The following AATF variants were observed in gnomAD, a reference collection of about 807,000 sequenced individuals.
AATF encodes the protein protein AATF.
Under a neutral mutation model 63.7 loss-of-function variants are expected in AATF, and 48 were observed. The ratio of observed to expected loss-of-function variants is 0.75; its 90% CI spans 0.60 to 0.96. The LOEUF is 0.96. Ranked by LOEUF, AATF falls within the 40% of genes least tolerant of loss-of-function variation. AATF has a pLI of 0.00. For synonymous variants in AATF, 258 were observed against 247.7 expected (o/e 1.04, Z -0.39); for missense variants, 639 against 685.7 (o/e 0.93, Z 0.76).
Position 37,018,839 on chromosome 17 carries a change from T to C in AATF, c.1399-166T>C, listed in dbSNP as rs555529308. The C allele has an allele frequency of 4.8e-5, 30 of 619,898 alleles. No individual in the cohort carries two copies. The South Asian group carries it at 5.6e-4, about 12-fold the overall frequency. 38.4% of individuals were successfully genotyped at this position (619,898 alleles called of 1,614,324 possible). A position where few individuals can be genotyped will look rare whatever the true frequency, so the allele number is the denominator to read the frequency against. ...CCACCTTTTTAAAGATATATAACTA[T>C]GAAAGCGTTAACGGGAATTCAGTAA... is the stretch of plus-strand genomic sequence containing the variant. On this transcript the variant is annotated intron_variant, in intron 8 of 11. Transcript: ENST00000619387.
chr17:36,953,843 A>G lies in AATF; in HGVS notation c.768A>G (p.Gln256=). Reference sequence around the variant, plus strand: ...TGTTGACCACCAACCAGCTTCCTCAACCAGATGTTTTCCCATTGTTCAAGG... The same window carrying G: ...TGTTGACCACCAACCAGCTTCCTCAGCCAGATGTTTTCCCATTGTTCAAGG... The part of the protein sequence containing the change: ...KALLTTNQLP[Q]PDVFPLFKDK... The change falls in exon 4 of 12, where the codon CAA becomes CAG. Residue 256 remains glutamine (Q), a synonymous_variant. Coordinates refer to ENST00000619387, the MANE Select transcript of AATF (RefSeq NM_012138.4). 1 of 1,614,142 alleles carries G rather than the reference A, an allele frequency of 6.2e-7. No individual in the cohort carries two copies. The highest frequency in any genetic ancestry group is 8.5e-7 in the Non-Finnish European group (1 of 1,180,018).
chr17:37,052,635 C>CT (rs1490736041), intron 11 of AATF: 1 of 152,264 alleles, frequency 6.6e-6, no homozygotes. Context: ...GACGTACGCT[C>CT]TTTCCTAAAG....
intron 4 of AATF, among the ~76,000 whole-genome samples, chr17:36,970,541 CTTTTT>C (rs773737841): frequency 1.7e-4 from 15 of 87,018 alleles, no homozygotes; most frequent in African/African-American, 7.7e-4. Flanking sequence ...TTTCTTTTTT[CTTTTT>C]TTTTTTTTTT....
intron 4 of AATF, among the ~76,000 whole-genome samples, chr17:36,973,361 G>T (rs2071054711): frequency 6.6e-6 from 1 of 152,124 alleles, no homozygotes; most frequent in Non-Finnish European, 1.5e-5. Flanking sequence ...AGAAACTGAG[G>T]TCTGCTGTGC....
chr17:37,043,521 C>T (rs1312675276), intron 11 of AATF, among the ~76,000 whole-genome samples: 1 of 152,166 alleles, frequency 6.6e-6, no homozygotes, highest in East Asian at 1.9e-4. Flanking sequence ...AGTTCACAGA[C>T]ACACTTATTG....
chr17:37,019,185 TAAGC>T, intron 9 of AATF, 113 bp downstream of exon 9: 2 of 837,980 alleles, frequency 2.4e-6, no homozygotes, highest in Non-Finnish European at 3.9e-6. Context: ...TTATTGAAGT[TAAGC>T]AAGTAAGAGC....
intron 4 of AATF, among the ~76,000 whole-genome samples, chr17:36,976,521 G>A (rs548484078): frequency 1.3e-5 from 2 of 152,238 alleles, no homozygotes; most frequent in South Asian, 2.1e-4. Flanking sequence ...TATACATACA[G>A]CTAGTTCTTT....
chr17:36,992,479 A>G lies in AATF; in HGVS notation c.1398+1622A>G, dbSNP rs183188595. On this transcript the variant is annotated intron_variant, in intron 8 of 11. Coordinates refer to ENST00000619387, the MANE Select transcript of AATF (RefSeq NM_012138.4). ...TAATTGTGTGAGATCACGGGAGACAATCAAAAATGTTCCAGTCCTCATTAA... is the reference window on the plus strand; with the variant it reads ...TAATTGTGTGAGATCACGGGAGACAGTCAAAAATGTTCCAGTCCTCATTAA... 2.7e-3 allele frequency among the ~76,000 whole-genome samples: 416 copies of G among 152,322 alleles called. 1 individual carries two copies. Among genetic ancestry groups the G allele is most frequent in the African/African-American group, 9.5e-3 (396 of 41,560 alleles).
At chr17:36,963,970 A>G (rs1351075158) in intron 4 of AATF, among the ~76,000 whole-genome samples, 5 of 152,164 alleles carry the variant, frequency 3.3e-5, no homozygotes, top group Non-Finnish European at 2.9e-5. Flanking sequence ...TGAGCCCAGG[A>G]GTTCAGGACC....
chr17:37,035,540 A>G (rs907728705), intron 11 of AATF, among the ~76,000 whole-genome samples: 4 of 140,410 alleles, frequency 2.8e-5, no homozygotes, highest in Non-Finnish European at 6.4e-5. Flanking sequence ...TGTGTTTCCA[A>G]CTTTTTTTTT....
rs536333282 is a variant in AATF, at chr17:36,985,057, G to A, written c.833-1560G>A. Among the ~76,000 whole-genome samples the A allele has an allele frequency of 1.5e-4, 23 of 151,804 alleles. No individual in the cohort carries two copies. The South Asian group carries it at 2.7e-3, about 18-fold the overall frequency. ...GCTGGGATTACAGGTGCACACCACC[G>A]TGCGCGGCTAATTTTTATACTTTTA... On this transcript the variant is annotated intron_variant, in intron 4 of 11. Transcript: ENST00000619387.
intron 11 of AATF, among the ~76,000 whole-genome samples, chr17:37,037,433 A>G (rs1406371071): frequency 6.6e-6 from 1 of 152,234 alleles, no homozygotes; most frequent in Non-Finnish European, 1.5e-5. Flanking sequence ...TAAGCATATT[A>G]TCACCAGCAA....
chr17:36,992,637 G>A (rs1440795410), intron 8 of AATF, among the ~76,000 whole-genome samples: 5 of 140,358 alleles, frequency 3.6e-5, no homozygotes, highest in Non-Finnish European at 6.1e-5. Flanking sequence ...TTTTTTGCCT[G>A]GAGGTCTGTT....
At chr17:36,951,791 A>G (rs2070857262) in intron 2 of AATF, among the ~76,000 whole-genome samples, 1 of 152,196 alleles carries the variant, frequency 6.6e-6, no homozygotes, top group Non-Finnish European at 1.5e-5. Flanking sequence ...TTTTGTATTT[A>G]TATTTTTGGC....
intron 4 of AATF, among the ~76,000 whole-genome samples, chr17:36,971,403 A>G (rs980675387): frequency 2.0e-5 from 3 of 152,250 alleles, no homozygotes; most frequent in African/African-American, 7.2e-5. Flanking sequence ...AAACACAAAT[A>G]CACACCTGAC....
At chr17:36,971,649 T>G (rs980624530) in intron 4 of AATF, among the ~76,000 whole-genome samples, 2 of 152,232 alleles carry the variant, frequency 1.3e-5, no homozygotes, top group African/African-American at 4.8e-5. Context: ...CAGCATTATT[T>G]ATAATCACCA....
intron 10 of AATF, among the ~76,000 whole-genome samples, chr17:37,024,336 G>C (rs1470550205): frequency 2.6e-5 from 4 of 152,226 alleles, no homozygotes; most frequent in Admixed American, 2.0e-4. Flanking sequence ...GTACAAAAAG[G>C]TTTGTAAGCT....
At chr17:36,992,274 T>C (rs916088652) in intron 8 of AATF, among the ~76,000 whole-genome samples, 1 of 152,018 alleles carries the variant, frequency 6.6e-6, no homozygotes. Context: ...AAGTAAGTCT[T>C]AAAAGTAATG....
chr17:36,982,441 C>T (rs567073765), intron 4 of AATF, among the ~76,000 whole-genome samples: 3 of 152,204 alleles, frequency 2.0e-5, no homozygotes, highest in Non-Finnish European at 2.9e-5. Context: ...GCAACCTCCC[C>T]GTCCCGGGTT....
Sources: gnomAD v4.1 joint callset for allele counts (sites outside exome capture counted in the v4.1 genomes callset) on GRCh38, gnomAD v4.1.1 for gene constraint, MANE v1.5 for transcripts, NCBI Gene and HGNC (gene_info 2026-07-23, HGNC 2026-07-21) for gene names.